The following CSNK1G1 variants were observed in gnomAD, a reference collection of about 807,000 sequenced individuals.
CSNK1G1 encodes casein kinase I isoform gamma-1.
A neutral mutation model predicts 59.6 loss-of-function variants in CSNK1G1; 22 were observed. The observed-to-expected ratio is 0.37, with a 90% CI of 0.26 to 0.53. The LOEUF (loss-of-function observed/expected upper bound fraction) is 0.53. Ranked by LOEUF, CSNK1G1 falls within the 20% of genes least tolerant of loss-of-function variation. The pLI is 0.89. For synonymous variants in CSNK1G1, 179 were observed against 177.1 expected, an observed-to-expected ratio of 1.01 and a Z score of -0.08; for missense variants, 384 against 519.5, an observed-to-expected ratio of 0.74 and a Z score of 2.54.
rs1443907186 is a variant in CSNK1G1 at position 64,169,267 on chromosome 15, C to CT, written c.*2663dup. 2.0e-4 allele frequency: 31 copies of CT among 151,682 alleles called. No individual in the cohort carries two copies. The highest frequency in any genetic ancestry group is 7.5e-4 in the African/African-American group (31 of 41,136). The allele number at this position is 151,682 out of a possible 1,614,324, so 9.4% of individuals were successfully genotyped here. On this transcript the variant is annotated 3_prime_UTR_variant, in exon 12 of 12. Transcript: ENST00000303052. ...TTTTCTTTTTAGACAGAGTCTCACT[C>CT]TGTTGCCCAGGCTGGAGTGCAGTGG...
chr15:64,207,392 T>C, intron 7 of CSNK1G1, 117 bp downstream of exon 7: 2 of 688,414 alleles, frequency 2.9e-6, no homozygotes, highest in Non-Finnish European at 5.0e-6. Flanking sequence ...ATTACAGGCA[T>C]GAGCCACCGC....
chr15:64,224,441 A>G (rs1266015658), intron 4 of CSNK1G1, among the ~76,000 whole-genome samples: 2 of 152,354 alleles, frequency 1.3e-5, no homozygotes, highest in Middle Eastern at 3.4e-3. Flanking sequence ...ATGGAAGCAT[A>G]GCCTTTAAAA....
At chr15:64,265,178 T>G (rs1892911148) in intron 2 of CSNK1G1, among the ~76,000 whole-genome samples, 1 of 152,062 alleles carries the variant, frequency 6.6e-6, no homozygotes. Flanking sequence ...GGATACAAAA[T>G]TAACATACAA....
At chr15:64,282,780 G>A (rs1023922715) in intron 2 of CSNK1G1, among the ~76,000 whole-genome samples, 1 of 152,230 alleles carries the variant, frequency 6.6e-6, no homozygotes, top group South Asian at 2.1e-4. Context: ...CAAGAGCAGT[G>A]TATAAAGACT....
At chr15:64,225,494 T>C (rs1220376672) in intron 4 of CSNK1G1, among the ~76,000 whole-genome samples, 4 of 152,114 alleles carry the variant, frequency 2.6e-5, no homozygotes, top group Admixed American at 2.6e-4. Context: ...CTCTGATTGG[T>C]CCTGGGCAGA....
At chr15:64,295,805 C>T (rs1894987506) in intron 2 of CSNK1G1, among the ~76,000 whole-genome samples, 1 of 152,178 alleles carries the variant, frequency 6.6e-6, no homozygotes. Context: ...TTGTAAAACT[C>T]CTGATGATTC....
intron 4 of CSNK1G1, among the ~76,000 whole-genome samples, chr15:64,227,336 A>G (rs949251704): frequency 6.6e-6 from 1 of 152,204 alleles, no homozygotes. Context: ...ATATTTCTAC[A>G]TTGACTTCTG....
chr15:64,317,649 C>T (rs1896346389), intron 1 of CSNK1G1, among the ~76,000 whole-genome samples: 1 of 151,744 alleles, frequency 6.6e-6, no homozygotes, highest in Admixed American at 6.6e-5. Context: ...CAGGGGCATA[C>T]CATCACCCAC....
At chr15:64,298,045 C>G (rs979725999) in intron 2 of CSNK1G1, among the ~76,000 whole-genome samples, 1 of 152,164 alleles carries the variant, frequency 6.6e-6, no homozygotes, top group Non-Finnish European at 1.5e-5. Flanking sequence ...AAGACAAGTT[C>G]TTCTGACTAC....
At chr15:64,338,307 A>T (rs1897494662) in intron 1 of CSNK1G1, among the ~76,000 whole-genome samples, 1 of 152,166 alleles carries the variant, frequency 6.6e-6, no homozygotes, top group Non-Finnish European at 1.5e-5. Context: ...ATGGATGTGA[A>T]GTGATATTTA....
intron 10 of CSNK1G1, among the ~76,000 whole-genome samples, chr15:64,194,512 C>CTTTTCTT (rs1231767042): frequency 7.1e-6 from 1 of 140,232 alleles, no homozygotes; most frequent in Non-Finnish European, 1.5e-5. Context: ...CTTTTCTTTT[C>CTTTTCTT]TTTTCTTTTT....
intron 2 of CSNK1G1, among the ~76,000 whole-genome samples, chr15:64,293,247 CT>C (rs1894839224): frequency 6.6e-6 from 1 of 152,096 alleles, no homozygotes; most frequent in Admixed American, 6.6e-5. Context: ...CATAATTCTC[CT>C]TTCATTGAGG....
intron 2 of CSNK1G1, among the ~76,000 whole-genome samples, chr15:64,278,387 T>C (rs1446257953): frequency 1.3e-4 from 15 of 119,714 alleles, no homozygotes; most frequent in African/African-American, 6.0e-4. Flanking sequence ...CGTGTGTGTG[T>C]GTGTGTGTGT....
At chr15:64,310,304 T>C (rs1174180104) in intron 1 of CSNK1G1, among the ~76,000 whole-genome samples, 1 of 151,998 alleles carries the variant, frequency 6.6e-6, no homozygotes, top group Non-Finnish European at 1.5e-5. Context: ...ATTCTCAGCC[T>C]CAATATCAAT....
At chr15:64,287,086 T>C (rs1014796344) in intron 2 of CSNK1G1, among the ~76,000 whole-genome samples, 2 of 152,310 alleles carry the variant, frequency 1.3e-5, no homozygotes, top group South Asian at 2.1e-4. Context: ...ATTTCAACTA[T>C]ACATTTAACC....
chr15:64,249,539 G>C (rs770536498), intron 4 of CSNK1G1, among the ~76,000 whole-genome samples: 2 of 152,156 alleles, frequency 1.3e-5, no homozygotes, highest in Non-Finnish European at 2.9e-5. Flanking sequence ...AAAGGTACTG[G>C]GAGACAGACC....
intron 2 of CSNK1G1, among the ~76,000 whole-genome samples, chr15:64,279,291 A>G (rs758018702): frequency 1.3e-5 from 2 of 152,172 alleles, no homozygotes; most frequent in African/African-American, 4.8e-5. Flanking sequence ...ACTAACTCCT[A>G]CTTATCACAA....
At chr15:64,183,522 G>A (rs1221733250) in intron 10 of CSNK1G1, among the ~76,000 whole-genome samples, 2 of 152,190 alleles carry the variant, frequency 1.3e-5, no homozygotes, top group East Asian at 1.9e-4. Context: ...AGTGATGGAA[G>A]AGTTGGATTC....
At chr15:64,229,159 T>C (rs1339637630) in intron 4 of CSNK1G1, among the ~76,000 whole-genome samples, 6 of 152,154 alleles carry the variant, frequency 3.9e-5, no homozygotes, top group African/African-American at 9.7e-5. Flanking sequence ...AACATATCTG[T>C]TTAACTTTCC....
Sources: gnomAD v4.1 joint callset for allele counts (sites outside exome capture counted in the v4.1 genomes callset) on GRCh38, gnomAD v4.1.1 for gene constraint, MANE v1.5 for transcripts, NCBI Gene and HGNC (gene_info 2026-07-23, HGNC 2026-07-21) for gene names.